The following HDAC5 variants were observed in gnomAD, a reference collection of about 807,000 sequenced individuals.
The protein encoded by HDAC5 is histone deacetylase 5.
In HDAC5, 25 loss-of-function variants were observed where a neutral mutation model predicts 133.3. The observed-to-expected ratio is 0.19, with a 90% CI of 0.14 to 0.26. HDAC5 has a LOEUF of 0.26. Ranked by LOEUF, HDAC5 falls within the 10% of genes least tolerant of loss-of-function variation. The probability of loss-of-function intolerance (pLI) is 1.00; values close to 1 mark genes in which losing one functional copy is unlikely to be tolerated. For synonymous variants in HDAC5, 589 were observed against 610.8 expected (o/e 0.96, Z 0.53); for missense variants, 1,041 against 1,460.5 (o/e 0.71, Z 4.68).
In HDAC5 at chr17:44,078,038, G is replaced by A. The variant is rs931082215; in HGVS notation, c.*338C>T. The A allele has an allele frequency of 1.2e-5, 3 of 249,904 alleles. No individual in the cohort carries two copies. Among genetic ancestry groups the A allele is most frequent in the Non-Finnish European group, 2.3e-5 (3 of 131,172 alleles). 15.5% of individuals were successfully genotyped at this position (249,904 alleles called of 1,614,324 possible). The stretch of plus-strand genomic sequence containing the variant: ...GACTTCCCGTTCCCTCCTCACTCGG[G>A]GGGCCCCAGAACTGGAGAGTACTGT... On this transcript the variant is annotated 3_prime_UTR_variant, in exon 27 of 27. Coordinates refer to ENST00000682912, the MANE Select transcript of HDAC5 (RefSeq NM_005474.5).
At chr17:44,103,287 T>C (rs1178564129) in intron 3 of HDAC5, among the ~76,000 whole-genome samples, 1 of 152,202 alleles carries the variant, frequency 6.6e-6, no homozygotes, top group Non-Finnish European at 1.5e-5. Context: ...CAATTTAGGC[T>C]CAACAGGTTC....
chr17:44,092,452 C>T lies in HDAC5; in HGVS notation c.848G>A (p.Arg283His), dbSNP rs751932121. Reference sequence around the variant, plus strand: ...GCTAATAACAGTCCCATCCTTGCGACGCAGGAGGGGACTGCTTCTCCGCTC... The same window carrying T: ...GCTAATAACAGTCCCATCCTTGCGATGCAGGAGGGGACTGCTTCTCCGCTC... ...VAERRSSPLL[R>H]RKDGTVISTF... The change falls in exon 8 of 27, where the codon CGT becomes CAT. Residue 283 changes from arginine (R) to histidine (H), a missense_variant. Physicochemically the swap from Arg to His is conservative, Grantham distance 29 (BLOSUM62 0). Around this residue, in one of 9 missense-constraint regions of HDAC5, gnomAD observed 433 missense variants for 531.6 expected, o/e 0.81. Coordinates refer to ENST00000682912, the MANE Select transcript of HDAC5 (RefSeq NM_005474.5). 12 of 1,613,862 alleles carry T rather than the reference C, an allele frequency of 7.4e-6. No homozygotes were observed. Among genetic ancestry groups the T allele is most frequent in the South Asian group, 1.1e-5 (1 of 91,082 alleles).
chr17:44,085,867 C>T (rs555503714), intron 14 of HDAC5, among the ~76,000 whole-genome samples: 35 of 152,230 alleles, frequency 2.3e-4, no homozygotes, highest in Non-Finnish European at 4.3e-4. Flanking sequence ...GTCTCAAACT[C>T]CTGGGCTCAA....
chr17:44,110,802 T>C lies in HDAC5; in HGVS notation c.23-2A>G. On this transcript the variant is annotated splice_acceptor_variant, in intron 2 of 26. Transcript: ENST00000682912. LOFTEE classifies it high-confidence loss of function. ...ATGGTTCCCGACCTGACATCCCATC[T>C]GCTGAGAAACAGGATTCTGTCTCAT... The C allele has an allele frequency of 6.2e-7, 1 of 1,613,082 alleles. No homozygotes were observed.
rs758738677 is a variant in HDAC5 at position 44,078,390 on chromosome 17, C to T, written c.3355G>A (p.Glu1119Lys). 6.5e-7 allele frequency: 1 copy of T among 1,527,508 alleles called. No homozygotes were observed. The highest frequency in any genetic ancestry group is 8.8e-7 in the Non-Finnish European group (1 of 1,137,986). The allele number at this position is 1,527,508 out of a possible 1,614,324, so 94.6% of individuals were successfully genotyped here. A position where few individuals can be genotyped will look rare whatever the true frequency, so the allele number is the denominator to read the frequency against. The change falls in exon 27 of 27, where the codon GAG becomes AAG. Residue 1119 changes from glutamate (E) to lysine (K), a missense_variant. Glu to Lys is a moderately conservative substitution (Grantham distance 56, BLOSUM62 1). This residue lies in a region of HDAC5 where 95 missense variants were observed against 107.3 expected (regional missense o/e 0.88). Transcript: ENST00000682912. ...PRPAEEPMEQEPAL is the reference protein window; with the variant it reads ...PRPAEEPMEQKPAL ...GGGCCGGGGCGTCACAGGGCAGGCTCCTGCTCCATGGGCTCCTCTGCCGGC... is the reference window on the plus strand; with the variant it reads ...GGGCCGGGGCGTCACAGGGCAGGCTTCTGCTCCATGGGCTCCTCTGCCGGC...
At chr17:44,089,553 T>C (rs2050830002) in intron 11 of HDAC5, among the ~76,000 whole-genome samples, 1 of 151,986 alleles carries the variant, frequency 6.6e-6, no homozygotes, top group South Asian at 2.1e-4. Flanking sequence ...AAGACCAGCC[T>C]GGCCAACGTG....
At chr17:44,092,358 A>G in intron 8 of HDAC5, 23 bp downstream of exon 8, 3 of 1,610,614 alleles carry the variant, frequency 1.9e-6, no homozygotes, top group East Asian at 2.2e-5. Flanking sequence ...CCCTCAGAAC[A>G]GGTACATGAG....
chr17:44,094,192 G>A (rs71371968), intron 3 of HDAC5, among the ~76,000 whole-genome samples: 2,496 of 152,104 alleles, frequency 0.016, 79 homozygotes, highest in African/African-American at 0.057. Flanking sequence ...GCGTGATGGT[G>A]CACACCTGTA....
chr17:44,080,709 G>A (rs2144207867), intron 21 of HDAC5, 54 bp downstream of exon 21: 1 of 1,612,432 alleles, frequency 6.2e-7, no homozygotes, highest in Non-Finnish European at 8.5e-7. Flanking sequence ...AGGTCCCATT[G>A]TGCCACCTCC....
Position 44,078,103 on chromosome 17 carries a change from A to G in HDAC5, c.*273T>C. 2.8e-6 allele frequency: 1 copy of G among 353,774 alleles called. No homozygotes were observed. The highest frequency in any genetic ancestry group is 7.3e-4 in the Middle Eastern group (1 of 1,370). The allele number at this position is 353,774 out of a possible 1,614,324, so 21.9% of individuals were successfully genotyped here. A position where few individuals can be genotyped will look rare whatever the true frequency, so the allele number is the denominator to read the frequency against. On this transcript the variant is annotated 3_prime_UTR_variant, in exon 27 of 27. Transcript: ENST00000682912. The stretch of plus-strand genomic sequence containing the variant: ...CCACCTTGAGCTGGCCCAGGCTCCA[A>G]GGAGGAAAAGGACAGACAGAATGCA...
intron 3 of HDAC5, among the ~76,000 whole-genome samples, chr17:44,104,214 A>G (rs1400918069): frequency 6.6e-6 from 1 of 152,062 alleles, no homozygotes; most frequent in Non-Finnish European, 1.5e-5. Flanking sequence ...CTGAGGCAGG[A>G]GAATCGCTTG....
In HDAC5 at chr17:44,084,905, GC is replaced by G. The variant is rs2050577172; in HGVS notation, c.2184+116del. 5.8e-6 allele frequency: 8 copies of G among 1,385,488 alleles called. No homozygotes were observed. In the South Asian group the frequency reaches 1.1e-4, roughly 19 times the overall value. The allele number at this position is 1,385,488 out of a possible 1,614,324, so 85.8% of individuals were successfully genotyped here. On this transcript the variant is annotated intron_variant, in intron 15 of 26. Transcript: ENST00000682912. ...ATGGAACGGGGTGGTGGGAGAACTG[GC>G]CCCGAAGTCTGGGGCTGAAGAGAGG...
At position 44,093,640 on chromosome 17, in the gene HDAC5, C is replaced by G; in HGVS notation, c.289G>C (p.Glu97Gln). Residue 97 changes from glutamate (E) to glutamine (Q), a missense_variant, in exon 4 of 27, where the codon GAG becomes CAG. Transcript: ENST00000682912. ...QQLQKQLLFAEFQKQHDHLTR... is the reference protein window; with the variant it reads ...QQLQKQLLFAQFQKQHDHLTR... The stretch of plus-strand genomic sequence containing the variant: ...AGGTGGTCATGCTGTTTCTGGAACT[C>G]AGCGAACAGGAGCTGCTTCTGCAGC... 1 of 1,612,928 alleles carries G rather than the reference C, an allele frequency of 6.2e-7. No individual in the cohort carries two copies. The highest frequency in any genetic ancestry group is 8.5e-7 in the Non-Finnish European group (1 of 1,179,802).
chr17:44,082,451 C>T, intron 20 of HDAC5, 134 bp downstream of exon 20: 1 of 680,294 alleles, frequency 1.5e-6, no homozygotes, highest in Non-Finnish European at 2.6e-6. Context: ...CTTCCTTCTG[C>T]ACCCACACCC....
intron 3 of HDAC5, among the ~76,000 whole-genome samples, chr17:44,106,341 C>T (rs980511378): frequency 1.3e-5 from 2 of 152,160 alleles, no homozygotes; most frequent in African/African-American, 2.4e-5. Context: ...AAAACAAAGC[C>T]TCCTCTCACA....
chr17:44,080,430 A>G lies in HDAC5; in HGVS notation c.2796T>C (p.Ile932=). 1 of 1,614,098 alleles carries G rather than the reference A, an allele frequency of 6.2e-7. No homozygotes were observed. The highest frequency in any genetic ancestry group is 8.5e-7 in the Non-Finnish European group (1 of 1,179,994). The stretch of plus-strand genomic sequence containing the variant: ...AGGCTGTAAGGTACTCCACGTCTCC[A>G]ATGGGGGGGTCCACACCTCCTGTCC... ...VAWTGGVDPP[I]GDVEYLTAFR... is the part of the protein sequence containing the mutation. Residue 932 remains isoleucine (I), a synonymous_variant, in exon 22 of 27, where the codon ATT becomes ATC. Transcript: ENST00000682912.
rs542054948 is a variant in HDAC5, at chr17:44,089,906, T to A, written c.1388-1308A>T. On this transcript the variant is annotated intron_variant, in intron 11 of 26. Coordinates refer to ENST00000682912, the MANE Select transcript of HDAC5 (RefSeq NM_005474.5). ...AGATCCTGCTTACTGCACTCCAGCC[T>A]GGGCAACAAAGTGAGATTCTGTCTC... Among the ~76,000 whole-genome samples, 42 of 119,356 alleles carry A rather than the reference T, an allele frequency of 3.5e-4. 1 individual carries two copies. The highest frequency in any genetic ancestry group is 1.3e-3 in the African/African-American group (42 of 31,634). 78.3% of individuals were successfully genotyped at this position (119,356 alleles called of 152,430 possible).
chr17:44,087,611 ACCTCCT>A lies in HDAC5; in HGVS notation c.1679_1684del (p.Gln560_Val562delinsLeu). ...GGTCAGGGCTCCCTCCCCCAGCAAGACCTCCTGCTGCTCCGTCAGCTCCTCCTCTGT... is the reference window on the plus strand; with the variant it reads ...GGTCAGGGCTCCCTCCCCCAGCAAGAGCTGCTCCGTCAGCTCCTCCTCTGT... On this transcript the variant is annotated inframe_deletion, in exon 13 of 27. Transcript: ENST00000682912. 6.2e-7 allele frequency: 1 copy of A among 1,612,248 alleles called. No individual in the cohort carries two copies. Among genetic ancestry groups the A allele is most frequent in the Non-Finnish European group, 8.5e-7 (1 of 1,179,266 alleles).
At position 44,096,475 on chromosome 17, in the gene HDAC5, G is replaced by GT. The variant is rs753428334; in HGVS notation, c.95-2642dup. ...AAAAAACAAGTTTTGGTTTTTTTTT[G>GT]TTTTTTTTTTTTTTGGAGATGGAGT... is the stretch of plus-strand genomic sequence containing the variant. On this transcript the variant is annotated intron_variant, in intron 3 of 26. Coordinates refer to ENST00000682912, the MANE Select transcript of HDAC5 (RefSeq NM_005474.5). Among the ~76,000 whole-genome samples, 1,249 of 136,898 alleles carry GT rather than the reference G, an allele frequency of 9.1e-3. 9 individuals carry two copies. The highest frequency in any genetic ancestry group is 0.024 in the African/African-American group (893 of 37,434). The allele number at this position is 136,898 out of a possible 152,430, so 89.8% of individuals were successfully genotyped here.
Sources: gnomAD v4.1 joint callset for allele counts (sites outside exome capture counted in the v4.1 genomes callset) on GRCh38, gnomAD v4.1.1 for gene constraint, gnomAD v4.1.1 regional missense constraint, MANE v1.5 for transcripts, NCBI Gene and HGNC (gene_info 2026-07-23, HGNC 2026-07-21) for gene names.